CAMTA1: variants seen among roughly 807,000 people sequenced by gnomAD.
CAMTA1 encodes the protein calmodulin-binding transcription activator 1.
Under a neutral mutation model 170.9 loss-of-function variants are expected in CAMTA1, and 27 were observed. That is an observed-to-expected ratio of 0.16 (90% CI 0.12 to 0.22). The LOEUF (loss-of-function observed/expected upper bound fraction) is 0.22. Among genes scored for constraint, CAMTA1 ranks in the 10% least tolerant of loss-of-function variants. The pLI is 1.00. For synonymous variants in CAMTA1, 833 were observed against 891.5 expected (o/e 0.93, Z 1.17); for missense variants, 1,619 against 2,217.2 (o/e 0.73, Z 5.42).
intron 6 of CAMTA1, among the ~76,000 whole-genome samples, chr1:7,504,642 A>G (rs1483790189): frequency 2.0e-5 from 3 of 152,260 alleles, no homozygotes; most frequent in Non-Finnish European, 4.4e-5. Flanking sequence ...GATGCACCAA[A>G]GATGCCCACA....
At chr1:7,572,980 C>T (rs924372558) in intron 6 of CAMTA1, among the ~76,000 whole-genome samples, 8 of 152,184 alleles carry the variant, frequency 5.3e-5, no homozygotes, top group South Asian at 4.1e-4. Flanking sequence ...AGGCAGCCGG[C>T]GCCTGAACTC....
chr1:7,715,783 C>T lies in CAMTA1; in HGVS notation c.2915-16665C>T, dbSNP rs145544110. 3.0e-4 allele frequency among the ~76,000 whole-genome samples: 46 copies of T among 152,268 alleles called. 1 individual carries two copies. In the East Asian group the frequency reaches 4.6e-3, roughly 15 times the overall value. ...AGGGATACTCAGAGGAACTGAGTGC[C>T]GTGCCGGCATGGGAGAGCAGTCCTT... On this transcript the variant is annotated intron_variant, in intron 11 of 22. Transcript: ENST00000303635.
chr1:7,687,039 G>A (rs1459728220), intron 11 of CAMTA1, among the ~76,000 whole-genome samples: 1 of 152,026 alleles, frequency 6.6e-6, no homozygotes, highest in African/African-American at 2.4e-5. Flanking sequence ...TCACATTGCG[G>A]TCTGAAAGTC....
Position 7,635,608 on chromosome 1 carries a change from CA to C in CAMTA1, c.511-4773del, listed in dbSNP as rs767824479. On this transcript the variant is annotated intron_variant, in intron 6 of 22. Coordinates refer to ENST00000303635, the MANE Select transcript of CAMTA1 (RefSeq NM_015215.4). The surrounding 1 kb of genome is among the most constrained non-coding windows in gnomAD (Gnocchi z 4.4). ...TGGGGGACAGAGCAAGACTCCGTCTCAAAAAAAAAAAAAAAAAAATACAGGG... is the reference window on the plus strand; with the variant it reads ...TGGGGGACAGAGCAAGACTCCGTCTCAAAAAAAAAAAAAAAAAATACAGGG... Among the ~76,000 whole-genome samples, 2,670 of 90,198 alleles carry C rather than the reference CA, an allele frequency of 0.03. 76 individuals are homozygous for C. The highest frequency in any genetic ancestry group is 0.08 in the African/African-American group (2,362 of 29,396). 59.2% of individuals were successfully genotyped at this position (90,198 alleles called of 152,430 possible).
Position 7,065,866 on chromosome 1 carries a change from G to A in CAMTA1, c.235-25438G>A, listed in dbSNP as rs139192138. ...ATCTATTCCCTTACATTGTGAAAGA[G>A]TAAAGCAGTCTTAAGACTGGGTGTG... is the stretch of plus-strand genomic sequence containing the variant. On this transcript the variant is annotated intron_variant, in intron 3 of 22. Transcript: ENST00000303635. The surrounding 1 kb of genome is among the most constrained non-coding windows in gnomAD (Gnocchi z 5.2). Among the ~76,000 whole-genome samples the A allele has an allele frequency of 6.6e-6, 1 of 152,320 alleles. No individual in the cohort carries two copies. Among genetic ancestry groups the A allele is most frequent in the East Asian group, 1.9e-4 (1 of 5,182 alleles).
chr1:6,966,303 C>A (rs925086417), intron 3 of CAMTA1, among the ~76,000 whole-genome samples: 1 of 152,120 alleles, frequency 6.6e-6, no homozygotes, highest in Non-Finnish European at 1.5e-5. Flanking sequence ...ATTTGTGTTA[C>A]CCCAAGAGAA....
Position 7,661,330 on chromosome 1 carries a change from G to T in CAMTA1, c.665-396G>T, listed in dbSNP as rs77480118. ...CCACCTCTATCCTGAGTCTCCACAA[G>T]AAGCTCACAGGCTGGGAAGTCCCTC... is the stretch of plus-strand genomic sequence containing the variant. On this transcript the variant is annotated intron_variant, in intron 7 of 22. Transcript: ENST00000303635. Among the ~76,000 whole-genome samples, 684 of 152,312 alleles carry T rather than the reference G, an allele frequency of 4.5e-3. 5 individuals carry two copies. The highest frequency in any genetic ancestry group is 0.016 in the African/African-American group (655 of 41,576).
In CAMTA1 at chr1:7,434,066, G is replaced by C. The variant is rs144316287; in HGVS notation, c.439-33764G>C. Reference sequence around the variant, plus strand: ...CCCCACATCCCTTCCACCTCCTGGAGAGTCCCTCCCCCACATCCCTTCCTC... The same window carrying C: ...CCCCACATCCCTTCCACCTCCTGGACAGTCCCTCCCCCACATCCCTTCCTC... On this transcript the variant is annotated intron_variant, in intron 5 of 22. Coordinates refer to ENST00000303635, the MANE Select transcript of CAMTA1 (RefSeq NM_015215.4). 7.2e-3 allele frequency among the ~76,000 whole-genome samples: 1,088 copies of C among 151,856 alleles called. 12 individuals carry two copies. The highest frequency in any genetic ancestry group is 0.024 in the African/African-American group (998 of 41,400).
At chr1:7,458,167 C>G (rs867890064) in intron 5 of CAMTA1, among the ~76,000 whole-genome samples, 32 of 152,312 alleles carry the variant, frequency 2.1e-4, no homozygotes, top group Middle Eastern at 6.8e-3. Context: ...AAGGAACCAA[C>G]CTTCATGGCC....
intron 7 of CAMTA1, among the ~76,000 whole-genome samples, chr1:7,653,686 G>A (rs2095861523): frequency 6.6e-5 from 10 of 151,966 alleles, no homozygotes; most frequent in Admixed American, 6.6e-4. Context: ...AGCTCACTGA[G>A]GGAAATGATG....
At chr1:7,450,039 AG>A (rs2092785273) in intron 5 of CAMTA1, among the ~76,000 whole-genome samples, 1 of 151,998 alleles carries the variant, frequency 6.6e-6, no homozygotes, top group Admixed American at 6.5e-5. Context: ...CTGCTTGGAG[AG>A]ATGAGGCCCA....
intron 4 of CAMTA1, among the ~76,000 whole-genome samples, chr1:7,098,887 GAGGGTTGGCCTCC>G (rs1642401050): frequency 6.6e-6 from 1 of 152,162 alleles, no homozygotes; most frequent in Non-Finnish European, 1.5e-5. Flanking sequence ...CACAAGAGCT[GAGGGTTGGCCTCC>G]ATCCCACCCC....
At position 7,665,855 on chromosome 1, in the gene CAMTA1, G is replaced by T. The variant is rs1223699911; in HGVS notation, c.2652+656G>T. ...CTTTTTTTTTGAAAAGGGGTCCCAG[G>T]GTTGCTTAAAAAAATTCAAAAGTCA... On this transcript the variant is annotated intron_variant, in intron 9 of 22. Coordinates refer to ENST00000303635, the MANE Select transcript of CAMTA1 (RefSeq NM_015215.4). The surrounding 1 kb of genome is among the most constrained non-coding windows in gnomAD (Gnocchi z 4.3). 1.3e-5 allele frequency among the ~76,000 whole-genome samples: 2 copies of T among 151,920 alleles called. No homozygotes were observed. The highest frequency in any genetic ancestry group is 2.4e-5 in the African/African-American group (1 of 41,358).
At chr1:7,369,728 C>G (rs542582063) in intron 5 of CAMTA1, among the ~76,000 whole-genome samples, 1 of 152,248 alleles carries the variant, frequency 6.6e-6, no homozygotes, top group South Asian at 2.1e-4. Flanking sequence ...TGTCTTCAGC[C>G]TCCAGCCCTG....
rs202160945 is a variant in CAMTA1 at position 7,463,566 on chromosome 1, G to C, written c.439-4264G>C. Among the ~76,000 whole-genome samples the C allele has an allele frequency of 6.6e-6, 1 of 152,064 alleles. No homozygotes were observed. Among genetic ancestry groups the C allele is most frequent in the East Asian group, 1.9e-4 (1 of 5,182 alleles). The stretch of plus-strand genomic sequence containing the variant: ...ACAGAGAGAGAAAGAAGATGAGACA[G>C]ATACAGAGATAGAGAAAGATAGAGA... On this transcript the variant is annotated intron_variant, in intron 5 of 22. Coordinates refer to ENST00000303635, the MANE Select transcript of CAMTA1 (RefSeq NM_015215.4). This position sits in a 1 kb window ranked among gnomAD's most constrained non-coding sequence, Gnocchi z 4.7.
chr1:7,192,678 G>A (rs577279480), intron 4 of CAMTA1, among the ~76,000 whole-genome samples: 1 of 152,292 alleles, frequency 6.6e-6, no homozygotes, highest in East Asian at 1.9e-4. Flanking sequence ...TGTGTGCTGG[G>A]CATCACGGCC....
chr1:7,425,934 T>G (rs1039396799), intron 5 of CAMTA1, among the ~76,000 whole-genome samples: 5 of 152,182 alleles, frequency 3.3e-5, no homozygotes, highest in South Asian at 2.1e-4. Flanking sequence ...GGCCAATGTT[T>G]GTGATTTCAT....
At chr1:7,658,346 C>T (rs74053158) in intron 7 of CAMTA1, among the ~76,000 whole-genome samples, 3,360 of 152,172 alleles carry the variant, frequency 0.022, 113 homozygotes, top group African/African-American at 0.076. Flanking sequence ...ATCCTAACAG[C>T]ATGTGAGACA....
In CAMTA1 at chr1:7,663,907, T is replaced by C. The variant is rs762355241; in HGVS notation, c.1360T>C (p.Ser454Pro). 8 of 1,613,878 alleles carry C rather than the reference T, an allele frequency of 5.0e-6. No individual in the cohort carries two copies. The highest frequency in any genetic ancestry group is 6.8e-6 in the Non-Finnish European group (8 of 1,180,030). ...CACCACGGGCAGCTCGGAGAGCCTG[T>C]CCATGCTGCCCACCAACGTGTCCGA... ...FPTTGSSESL[S>P]MLPTNVSEEL... Residue 454 changes from serine (S) to proline (P), a missense_variant, in exon 9 of 23, where the codon TCC (serine) becomes CCC (proline). Physicochemically the swap from Ser to Pro is moderately conservative, Grantham distance 74. Transcript: ENST00000303635.
Sources: allele counts gnomAD v4.1 joint callset (sites outside exome capture counted in the v4.1 genomes callset), GRCh38; gene constraint gnomAD v4.1.1; non-coding constraint Gnocchi (gnomAD v3.1); transcripts MANE v1.5; gene names NCBI Gene and HGNC (gene_info 2026-07-23, HGNC 2026-07-21).